Variants in PCDHA3 observed in about 807,000 individuals in gnomAD.
PCDHA3 encodes the protein protocadherin alpha-3.
In PCDHA3, 41 loss-of-function variants were observed where a neutral mutation model predicts 62.2. The observed-to-expected ratio is 0.66, with a 90% CI of 0.51 to 0.86. The LOEUF (loss-of-function observed/expected upper bound fraction) is 0.86, where lower values mean the gene tolerates loss of function less well. Ranked by LOEUF, PCDHA3 falls within the 40% of genes least tolerant of loss-of-function variation. The probability of loss-of-function intolerance (pLI) is 0.00; values close to 1 mark genes in which losing one functional copy is unlikely to be tolerated. For synonymous variants in PCDHA3, 640 were observed against 555.4 expected (o/e 1.15, Z -2.14); for missense variants, 1,304 against 1,241.2 (o/e 1.05, Z -0.76).
intron 3 of PCDHA3, among the ~76,000 whole-genome samples, chr5:140,991,829 G>A (rs530610195): frequency 3.3e-5 from 5 of 152,196 alleles, no homozygotes; most frequent in South Asian, 2.1e-4. Flanking sequence ...CATTTATAAC[G>A]GCAGAACCGC....
At chr5:140,906,097 T>G (rs1396034135) in intron 1 of PCDHA3, among the ~76,000 whole-genome samples, 1 of 152,144 alleles carries the variant, frequency 6.6e-6, no homozygotes, top group Non-Finnish European at 1.5e-5. Context: ...AGAGTAAGTG[T>G]GTCTTTCCCA....
chr5:140,822,384 A>G, intron 1 of PCDHA3: 1 of 1,614,130 alleles, frequency 6.2e-7, no homozygotes, highest in Admixed American at 1.7e-5. Flanking sequence ...ATAGAGAAGA[A>G]ACACAAGAAC....
rs1231379923 is a variant in PCDHA3 at position 140,802,468 on chromosome 5, T to G, written c.1271T>G (p.Val424Gly). 1 of 1,614,024 alleles carries G rather than the reference T, an allele frequency of 6.2e-7. No homozygotes were observed. The highest frequency in any genetic ancestry group is 2.2e-5 in the East Asian group (1 of 44,880). ...GAGAGCGTGTCGGCCTATGAGCTGG[T>G]GGTGACTGCTCGGGACGGGGGCTCG... is the stretch of plus-strand genomic sequence containing the variant. ...DRESVSAYEL[V>G]VTARDGGSPS... Residue 424 changes from valine (V) to glycine (G), a missense_variant, in exon 1 of 4, where the codon GTG (valine) becomes GGG (glycine). Transcript: ENST00000522353.
intron 1 of PCDHA3, chr5:140,807,058 G>A: frequency 9.1e-7 from 1 of 1,098,782 alleles, no homozygotes; most frequent in Non-Finnish European, 1.3e-6. Flanking sequence ...TATTCTTACT[G>A]GAAGGAACCA....
intron 1 of PCDHA3, among the ~76,000 whole-genome samples, chr5:140,879,010 G>C (rs2057809352): frequency 6.6e-6 from 1 of 152,200 alleles, no homozygotes; most frequent in Non-Finnish European, 1.5e-5. Context: ...CTAGAAATCA[G>C]ATAATGTTTT....
chr5:140,870,936 G>A (rs1554164882), intron 1 of PCDHA3: 5 of 1,613,820 alleles, frequency 3.1e-6, no homozygotes, highest in South Asian at 1.1e-5. Flanking sequence ...ATGAATTGCA[G>A]CCGGCGGCGG....
chr5:140,875,982 T>C (rs782696437), intron 1 of PCDHA3: 8 of 1,613,890 alleles, frequency 5.0e-6, no homozygotes, highest in Middle Eastern at 1.6e-4. Context: ...TTTTGACCTA[T>C]GCGTTAAGTC....
At position 141,009,850 on chromosome 5, in the gene PCDHA3, CAAGAAAAAG is replaced by C. The variant is rs782749911; in HGVS notation, c.2781_2789del (p.Lys928_Lys930del). 6.2e-6 allele frequency: 10 copies of C among 1,613,454 alleles called. No individual in the cohort carries two copies. The highest frequency in any genetic ancestry group is 1.7e-5 in the Admixed American group (1 of 59,950). ...TAACCTTCGGCAAAAAGGAGGAGAC[CAAGAAAAAG>C]AAGAAAAAGAAGAAGGGTAACAAGA... is the stretch of plus-strand genomic sequence containing the variant. On this transcript the variant is annotated inframe_deletion, in exon 4 of 4. Coordinates refer to ENST00000522353, the MANE Select transcript of PCDHA3 (RefSeq NM_018906.3).
At chr5:141,007,638 T>G (rs1393056593) in intron 3 of PCDHA3, among the ~76,000 whole-genome samples, 7 of 152,128 alleles carry the variant, frequency 4.6e-5, no homozygotes, top group African/African-American at 1.7e-4. Context: ...GCCCTCCCTG[T>G]ATTTGCCTAA....
At chr5:140,941,248 T>TTTCTTTCG (rs1563187616) in intron 1 of PCDHA3, among the ~76,000 whole-genome samples, 2 of 141,492 alleles carry the variant, frequency 1.4e-5, no homozygotes, top group Non-Finnish European at 3.1e-5. Context: ...TCTTTCTTTC[T>TTTCTTTCG]TTCTTTCTCT....
At chr5:140,926,775 G>C in intron 1 of PCDHA3, 9 of 1,391,106 alleles carry the variant, frequency 6.5e-6, no homozygotes, top group Admixed American at 3.1e-5. Flanking sequence ...GCCCGCAGCA[G>C]TGACGGCCGG....
chr5:140,919,982 G>A (rs2079388824), intron 1 of PCDHA3, among the ~76,000 whole-genome samples: 2 of 151,998 alleles, frequency 1.3e-5, no homozygotes, highest in Admixed American at 6.5e-5. Context: ...GATAGAAGAT[G>A]GAAAACAGAC....
In PCDHA3 at chr5:141,009,987, A is replaced by C. The variant is rs2154001821; in HGVS notation, c.*50A>C. The C allele has an allele frequency of 6.3e-7, 1 of 1,580,396 alleles. No individual in the cohort carries two copies. Among genetic ancestry groups the C allele is most frequent in the East Asian group, 2.2e-5 (1 of 44,670 alleles). On this transcript the variant is annotated 3_prime_UTR_variant, in exon 4 of 4. Coordinates refer to ENST00000522353, the MANE Select transcript of PCDHA3 (RefSeq NM_018906.3). The stretch of plus-strand genomic sequence containing the variant: ...TTAGCCAGTTTTTGTAATAATGGCA[A>C]ATCTCTCCCATGTAGCAATTCCCTG...
At chr5:140,835,553 G>A in intron 1 of PCDHA3, 2 of 1,613,872 alleles carry the variant, frequency 1.2e-6, no homozygotes, top group Admixed American at 1.7e-5. Flanking sequence ...GCTCCCTGAC[G>A]CCCCGCGTTC....
At position 140,909,867 on chromosome 5, in the gene PCDHA3, C is replaced by T. The variant is rs544055697; in HGVS notation, c.2395-69082C>T. Among the ~76,000 whole-genome samples the T allele has an allele frequency of 2.8e-4, 43 of 152,282 alleles. 1 individual carries two copies. The highest frequency in any genetic ancestry group is 4.9e-4 in the Non-Finnish European group (33 of 68,020). On this transcript the variant is annotated intron_variant, in intron 1 of 3. Coordinates refer to ENST00000522353, the MANE Select transcript of PCDHA3 (RefSeq NM_018906.3). ...GACGTTTTCGGTCCCCTGGAGTCAA[C>T]GTCAGCTTAGAGACACTGTTCAGTA...
chr5:140,929,080 A>T, intron 1 of PCDHA3: 1 of 1,614,180 alleles, frequency 6.2e-7, no homozygotes, highest in Non-Finnish European at 8.5e-7. Flanking sequence ...GTATGGAAGT[A>T]AGATGGTTTC....
intron 1 of PCDHA3, among the ~76,000 whole-genome samples, chr5:140,873,515 C>A (rs2054335003): frequency 6.6e-6 from 1 of 152,056 alleles, no homozygotes; most frequent in African/African-American, 2.4e-5. Context: ...ATACTTAATG[C>A]CAAGATTGCA....
At chr5:140,857,127 A>C in intron 1 of PCDHA3, 1 of 1,598,180 alleles carries the variant, frequency 6.3e-7, no homozygotes, top group Non-Finnish European at 8.6e-7. Flanking sequence ...CCAGTGAAAG[A>C]AGATGCTCAA....
intron 1 of PCDHA3, chr5:140,877,890 T>C (rs1554170211): frequency 6.9e-7 from 1 of 1,458,078 alleles, no homozygotes; most frequent in Non-Finnish European, 9.0e-7. Flanking sequence ...AGAACTTCCG[T>C]TTAGGTTATA....
Sources: gnomAD v4.1 joint callset for allele counts (sites outside exome capture counted in the v4.1 genomes callset) on GRCh38, gnomAD v4.1.1 for gene constraint, MANE v1.5 for transcripts, NCBI Gene and HGNC (gene_info 2026-07-23, HGNC 2026-07-21) for gene names.